COMMD10: variants seen among roughly 807,000 people sequenced by gnomAD.
The protein encoded by COMMD10 is COMM domain-containing protein 10.
Under a neutral mutation model 28.9 loss-of-function variants are expected in COMMD10, and 33 were observed. The observed-to-expected ratio is 1.14, with a 90% CI of 0.87 to 1.53. The LOEUF (loss-of-function observed/expected upper bound fraction) is 1.53, where lower values mean the gene tolerates loss of function less well. Among genes scored for constraint, COMMD10 ranks in the 40% most tolerant of loss-of-function variants. The pLI is 0.00. For synonymous variants in COMMD10, 110 were observed against 81.7 expected (o/e 1.35, Z -1.87); for missense variants, 310 against 233.4 (o/e 1.33, Z -2.14).
At chr5:116,172,649 T>A (rs990786390) in intron 5 of COMMD10, among the ~76,000 whole-genome samples, 3 of 152,126 alleles carry the variant, frequency 2.0e-5, no homozygotes, top group Admixed American at 6.6e-5. Flanking sequence ...CAGTGTTTTG[T>A]GTTATAAAGT....
intron 5 of COMMD10, among the ~76,000 whole-genome samples, chr5:116,148,347 CTCTT>C (rs1241053768): frequency 6.6e-6 from 1 of 151,864 alleles, no homozygotes; most frequent in East Asian, 1.9e-4. Context: ...CTTTCTTCCT[CTCTT>C]TCTCTTTCCC....
At chr5:116,139,648 T>G (rs553288127) in intron 5 of COMMD10, among the ~76,000 whole-genome samples, 2 of 151,738 alleles carry the variant, frequency 1.3e-5, no homozygotes, top group Non-Finnish European at 3.0e-5. Context: ...TAAATCACAC[T>G]AAAGCATACT....
intron 5 of COMMD10, among the ~76,000 whole-genome samples, chr5:116,193,658 C>T (rs1331482048): frequency 6.6e-6 from 1 of 151,960 alleles, no homozygotes; most frequent in East Asian, 1.9e-4. Context: ...ACTGGAGCTC[C>T]CAAATATATA....
intron 5 of COMMD10, among the ~76,000 whole-genome samples, chr5:116,221,925 G>GA (rs927630294): frequency 6.6e-6 from 1 of 152,096 alleles, no homozygotes; most frequent in Admixed American, 6.6e-5. Context: ...AGTTCAACCA[G>GA]AAAAAAATCA....
intron 4 of COMMD10, among the ~76,000 whole-genome samples, chr5:116,129,898 C>G (rs188817662): frequency 6.7e-6 from 1 of 148,192 alleles, no homozygotes; most frequent in South Asian, 2.1e-4. Flanking sequence ...AATAGTTATC[C>G]TTTCTATATT....
At chr5:116,171,385 G>A (rs962558351) in intron 5 of COMMD10, among the ~76,000 whole-genome samples, 11 of 152,206 alleles carry the variant, frequency 7.2e-5, no homozygotes, top group African/African-American at 2.4e-4. Flanking sequence ...TGGTGGGAGT[G>A]TAAATTAGTT....
chr5:116,111,872 A>G (rs900630841), intron 4 of COMMD10, among the ~76,000 whole-genome samples: 3 of 152,106 alleles, frequency 2.0e-5, no homozygotes, highest in African/African-American at 7.2e-5. Context: ...TGAGATGGTG[A>G]CGTCCCCTAT....
chr5:116,129,012 C>G (rs2112765186), intron 4 of COMMD10, among the ~76,000 whole-genome samples: 1 of 151,990 alleles, frequency 6.6e-6, no homozygotes, highest in African/African-American at 2.4e-5. Context: ...CTACTCTTTT[C>G]TTTTATAAAT....
chr5:116,103,456 T>G (rs1262912509), intron 4 of COMMD10, among the ~76,000 whole-genome samples: 1 of 152,248 alleles, frequency 6.6e-6, no homozygotes, highest in Non-Finnish European at 1.5e-5. Context: ...TTTGGCTGCA[T>G]AAATGTCTTC....
At chr5:116,152,310 C>G (rs1397841782) in intron 5 of COMMD10, among the ~76,000 whole-genome samples, 1 of 152,044 alleles carries the variant, frequency 6.6e-6, no homozygotes, top group African/African-American at 2.4e-5. Flanking sequence ...TCCTTAATTA[C>G]TAATATTCTA....
chr5:116,106,782 A>G (rs1349785244), intron 4 of COMMD10, among the ~76,000 whole-genome samples: 1 of 152,166 alleles, frequency 6.6e-6, no homozygotes, highest in Non-Finnish European at 1.5e-5. Context: ...CTGTTTTATC[A>G]GAGACTAGGA....
chr5:116,146,226 T>G (rs1365894611), intron 5 of COMMD10, among the ~76,000 whole-genome samples: 2 of 151,826 alleles, frequency 1.3e-5, no homozygotes, highest in Non-Finnish European at 2.9e-5. Context: ...TTCTGTATCC[T>G]AGGAGTTCCC....
chr5:116,133,767 A>T (rs150844956), intron 4 of COMMD10, among the ~76,000 whole-genome samples: 226 of 152,354 alleles, frequency 1.5e-3, no homozygotes, highest in African/African-American at 5.1e-3. Context: ...ACTATTTAAT[A>T]TTTAAAAACC....
chr5:116,218,088 C>T, intron 5 of COMMD10: 1 of 1,298,542 alleles, frequency 7.7e-7, no homozygotes, highest in Non-Finnish European at 1.1e-6. Flanking sequence ...CCATTTTCTG[C>T]AGGGTTATTC....
intron 5 of COMMD10, among the ~76,000 whole-genome samples, chr5:116,273,388 A>G (rs906859014): frequency 2.0e-5 from 3 of 151,834 alleles, no homozygotes; most frequent in Non-Finnish European, 4.4e-5. Context: ...AGATGCTGTC[A>G]CCATTCTGTC....
intron 5 of COMMD10, chr5:116,217,970 A>G: frequency 1.2e-6 from 1 of 829,764 alleles, no homozygotes; most frequent in Non-Finnish European, 2.1e-6. Flanking sequence ...TAAAAATAGT[A>G]TTTCAAACTG....
chr5:116,281,582 G>C (rs559131484), intron 5 of COMMD10, among the ~76,000 whole-genome samples: 5 of 151,548 alleles, frequency 3.3e-5, no homozygotes, highest in Non-Finnish European at 7.4e-5. Context: ...TATTAAGGAA[G>C]TTCTTAGTTG....
At chr5:116,101,434 T>G (rs1179550965) in intron 4 of COMMD10, among the ~76,000 whole-genome samples, 1 of 152,000 alleles carries the variant, frequency 6.6e-6, no homozygotes, top group African/African-American at 2.4e-5. Flanking sequence ...TATTTATTTA[T>G]TTATTATTTT....
chr5:116,278,125 G>A (rs1440621628), intron 5 of COMMD10, among the ~76,000 whole-genome samples: 4 of 151,744 alleles, frequency 2.6e-5, no homozygotes. Context: ...TCAGTCATCA[G>A]ATATGTACTT....
Sources: allele counts gnomAD v4.1 joint callset (sites outside exome capture counted in the v4.1 genomes callset), GRCh38; gene constraint gnomAD v4.1.1; transcripts MANE v1.5; gene names NCBI Gene and HGNC (gene_info 2026-07-23, HGNC 2026-07-21).